The following NUDT16 variants were observed in gnomAD, a reference collection of about 807,000 sequenced individuals.
The protein encoded by NUDT16 is U8 snoRNA-decapping enzyme.
A neutral mutation model predicts 11.7 loss-of-function variants in NUDT16; 12 were observed. That is an observed-to-expected ratio of 1.03 (90% CI 0.66 to 1.67). The LOEUF is 1.67. Among genes scored for constraint, NUDT16 ranks in the 40% most tolerant of loss-of-function variants. The probability of loss-of-function intolerance (pLI) is 0.00; values close to 1 mark genes in which losing one functional copy is unlikely to be tolerated. For synonymous variants in NUDT16, 129 were observed against 122.6 expected (o/e 1.05, Z -0.35); for missense variants, 303 against 268.9 (o/e 1.13, Z -0.89).
At chr3:131,382,010 G>A (rs763858616) in intron 1 of NUDT16, 36 bp from the exon 2 acceptor site, 1 of 1,581,964 alleles carries the variant, frequency 6.3e-7, no homozygotes, top group Admixed American at 1.8e-5. Flanking sequence ...TCTCCTCTGG[G>A]GCGCCCCTGC....
upstream of NUDT16, chr3:131,381,711 C>A: frequency 7.3e-7 from 1 of 1,377,370 alleles, no homozygotes; most frequent in Non-Finnish European, 9.8e-7. Context: ...AGGGATTGGG[C>A]CTTGCAGCAC....
rs1361109814 is a variant in NUDT16, at chr3:131,388,308, G to A, written c.*4967G>A. 1 of 152,192 alleles carries A rather than the reference G, an allele frequency of 6.6e-6. No individual in the cohort carries two copies. Among genetic ancestry groups the A allele is most frequent in the Non-Finnish European group, 1.5e-5 (1 of 68,028 alleles). 9.4% of individuals were successfully genotyped at this position (152,192 alleles called of 1,614,324 possible). On this transcript the variant is annotated 3_prime_UTR_variant, in exon 3 of 3. Coordinates refer to ENST00000521288, the MANE Select transcript of NUDT16 (RefSeq NM_152395.3). ...GAATCCAGAGTCTTGTTAAGTGATA[G>A]AAGGAAAATACTAACAGAACACATG...
chr3:131,382,013 G>A, intron 1 of NUDT16, 33 bp from the exon 2 acceptor site: 1 of 1,577,436 alleles, frequency 6.3e-7, no homozygotes, highest in Non-Finnish European at 8.6e-7. Context: ...CCTCTGGGGC[G>A]CCCCTGCCAA....
Position 131,382,318 on chromosome 3 carries a change from G to A in NUDT16, c.408+3G>A, listed in dbSNP as rs1425692953. 1 of 1,612,870 alleles carries A rather than the reference G, an allele frequency of 6.2e-7. No individual in the cohort carries two copies. The highest frequency in any genetic ancestry group is 1.7e-5 in the Admixed American group (1 of 60,034). On this transcript the variant is annotated splice_donor_region_variant and intron_variant, in intron 2 of 2. Transcript: ENST00000521288. Reference sequence around the variant, plus strand: ...GCGCCAAGGACCACGGGCTGGAGGTGGGACCAGCCTGGGACTCTGTCCCTT... The same window carrying A: ...GCGCCAAGGACCACGGGCTGGAGGTAGGACCAGCCTGGGACTCTGTCCCTT...
At position 131,382,154 on chromosome 3, in the gene NUDT16, G is replaced by A. The variant is rs1230878972; in HGVS notation, c.247G>A (p.Glu83Lys). 5.0e-6 allele frequency: 8 copies of A among 1,611,676 alleles called. No individual in the cohort carries two copies. In the South Asian group the frequency reaches 8.8e-5, roughly 18 times the overall value. Residue 83 changes from glutamate to lysine, a missense_variant, in exon 2 of 3, where the codon GAA becomes AAA. Coordinates refer to ENST00000521288, the MANE Select transcript of NUDT16 (RefSeq NM_152395.3). ...CCGCGAGCTGCGCGAGGAGCTGGGC[G>A]AAGCGGCTGCCGCTTTCCGCGTGGA... ...LNRELREELG[E>K]AAAAFRVERT...
chr3:131,386,642 A>G lies in NUDT16; in HGVS notation c.*3301A>G, dbSNP rs1029802315. ...AGGTGAGTGGCCCAGCCGCCTCTCCACAAACACGTGTTTCTGCCTTTCTCA... is the reference window on the plus strand; with the variant it reads ...AGGTGAGTGGCCCAGCCGCCTCTCCGCAAACACGTGTTTCTGCCTTTCTCA... On this transcript the variant is annotated 3_prime_UTR_variant, in exon 3 of 3. Transcript: ENST00000521288. The G allele has an allele frequency of 1.3e-5, 2 of 152,298 alleles. No homozygotes were observed. The highest frequency in any genetic ancestry group is 4.8e-5 in the African/African-American group (2 of 41,472). The allele number at this position is 152,298 out of a possible 1,614,324, so 9.4% of individuals were successfully genotyped here.
chr3:131,382,120 C>T lies in NUDT16; in HGVS notation c.213C>T (p.Asp71=), dbSNP rs778082671. Reference sequence around the variant, plus strand: ...ACACGCAGGACAGAAGCCTAGAGGACGGGCTGAACCGCGAGCTGCGCGAGG... The same window carrying T: ...ACACGCAGGACAGAAGCCTAGAGGATGGGCTGAACCGCGAGCTGCGCGAGG... ...FVDTQDRSLE[D]GLNRELREEL... Residue 71 remains aspartate, a synonymous_variant, in exon 2 of 3, where the codon GAC becomes GAT. Coordinates refer to ENST00000521288, the MANE Select transcript of NUDT16 (RefSeq NM_152395.3). The T allele has an allele frequency of 1.2e-6, 2 of 1,609,782 alleles. No homozygotes were observed. The highest frequency in any genetic ancestry group is 1.1e-5 in the South Asian group (1 of 90,730).
Position 131,382,262 on chromosome 3 carries a change from G to A in NUDT16, c.355G>A (p.Glu119Lys). ...CTATGCCAAGCGTCTGACGCTCGAGGAGCTGTTGGCTGTGGAGGCCGGCGC... is the reference window on the plus strand; with the variant it reads ...CTATGCCAAGCGTCTGACGCTCGAGAAGCTGTTGGCTGTGGAGGCCGGCGC... ...HFYAKRLTLEELLAVEAGATR... is the reference protein window; with the variant it reads ...HFYAKRLTLEKLLAVEAGATR... Residue 119 changes from glutamate (E) to lysine (K), a missense_variant, in exon 2 of 3, where the codon GAG (glutamate) becomes AAG (lysine). Physicochemically the swap from Glu to Lys is moderately conservative, Grantham distance 56. Coordinates refer to ENST00000521288, the MANE Select transcript of NUDT16 (RefSeq NM_152395.3). The A allele has an allele frequency of 1.9e-6, 3 of 1,612,596 alleles. No homozygotes were observed. The highest frequency in any genetic ancestry group is 1.1e-5 in the South Asian group (1 of 91,036).
intron 2 of NUDT16, chr3:131,382,808 G>T (rs1283940447): frequency 4.2e-6 from 4 of 956,114 alleles, no homozygotes; most frequent in Non-Finnish European, 5.8e-6. Flanking sequence ...GGGGCGGGGG[G>T]AGAGGAAACC....
intron 1 of NUDT16, 28 bp from the exon 2 acceptor site, chr3:131,382,018 T>A: frequency 1.9e-6 from 3 of 1,578,038 alleles, no homozygotes; most frequent in Non-Finnish European, 2.6e-6. Context: ...GGGGCGCCCC[T>A]GCCAATCCCC....
In NUDT16 at chr3:131,381,824, T is replaced by A. The variant is rs767811533; in HGVS notation, c.20T>A (p.Leu7Gln). The change falls in exon 1 of 3, where the codon CTG becomes CAG. Residue 7 changes from leucine to glutamine, a missense_variant. Physicochemically the swap from Leu to Gln is moderately radical, Grantham distance 113. Transcript: ENST00000521288. ...CCGGCCATGGCCGGAGCCCGCAGGCTGGAGCTAGGCGAGGCCCTGGCGCTG... is the reference window on the plus strand; with the variant it reads ...CCGGCCATGGCCGGAGCCCGCAGGCAGGAGCTAGGCGAGGCCCTGGCGCTG... MAGARR[L>Q]ELGEALALGS... is the part of the protein sequence containing the mutation. 2 of 1,575,344 alleles carry A rather than the reference T, an allele frequency of 1.3e-6. No homozygotes were observed. The highest frequency in any genetic ancestry group is 1.7e-6 in the Non-Finnish European group (2 of 1,167,342).
Position 131,386,018 on chromosome 3 carries a change from GTC to G in NUDT16, c.*2682_*2683del, listed in dbSNP as rs1452306497. 2.0e-5 allele frequency: 3 copies of G among 152,334 alleles called. No homozygotes were observed. In the South Asian group the frequency reaches 6.2e-4, roughly 32 times the overall value. The allele number at this position is 152,334 out of a possible 1,614,324, so 9.4% of individuals were successfully genotyped here. A position where few individuals can be genotyped will look rare whatever the true frequency, so the allele number is the denominator to read the frequency against. Reference sequence around the variant, plus strand: ...CTCTGCTTGAGTATCCCACTGATCAGTCTCTCAGTGCCTGCCTACTGGGCAGC... The same window carrying G: ...CTCTGCTTGAGTATCCCACTGATCAGTCTCAGTGCCTGCCTACTGGGCAGC... On this transcript the variant is annotated 3_prime_UTR_variant, in exon 3 of 3. Coordinates refer to ENST00000521288, the MANE Select transcript of NUDT16 (RefSeq NM_152395.3).
chr3:131,383,547 G>C lies in NUDT16; in HGVS notation c.*206G>C. On this transcript the variant is annotated 3_prime_UTR_variant, in exon 3 of 3. Transcript: ENST00000521288. The surrounding 1 kb of genome is among the most constrained non-coding windows in gnomAD (Gnocchi z 4.4). ...GGCAAAAAGTCACAGCTTATCCCAG[G>C]CACCCTGGCAGGTTCTCAGAGCCTG... 8.2e-7 allele frequency: 1 copy of C among 1,219,130 alleles called. No individual in the cohort carries two copies. The highest frequency in any genetic ancestry group is 1.1e-6 in the Non-Finnish European group (1 of 892,600). 75.5% of individuals were successfully genotyped at this position (1,219,130 alleles called of 1,614,324 possible). A position where few individuals can be genotyped will look rare whatever the true frequency, so the allele number is the denominator to read the frequency against.
rs760307039 is a variant in NUDT16, at chr3:131,382,107, G to C, written c.200G>C (p.Arg67Thr). 1.2e-6 allele frequency: 2 copies of C among 1,605,562 alleles called. No homozygotes were observed. The highest frequency in any genetic ancestry group is 4.5e-5 in the East Asian group (2 of 44,746). Residue 67 changes from arginine to threonine, a missense_variant, in exon 2 of 3, where the codon AGA becomes ACA. Arg to Thr is a moderately conservative substitution (Grantham distance 71, BLOSUM62 -1). Coordinates refer to ENST00000521288, the MANE Select transcript of NUDT16 (RefSeq NM_152395.3). ...GGCGGATTCGTGGACACGCAGGACA[G>C]AAGCCTAGAGGACGGGCTGAACCGC... ...FPGGFVDTQD[R>T]SLEDGLNREL...
chr3:131,381,957 C>T lies in NUDT16; in HGVS notation c.138+15C>T. ...ACGCCATACTGGTGAGAAGGGGGCG[C>T]GCCCGGCCACTTTCTGCCTGAGCCC... On this transcript the variant is annotated intron_variant, in intron 1 of 2. Transcript: ENST00000521288. The T allele has an allele frequency of 1.2e-6, 2 of 1,605,044 alleles. No homozygotes were observed. The highest frequency in any genetic ancestry group is 8.5e-7 in the Non-Finnish European group (1 of 1,174,614).
Position 131,385,872 on chromosome 3 carries a change from A to G in NUDT16, c.*2531A>G, listed in dbSNP as rs142020487. 1 of 152,390 alleles carries G rather than the reference A, an allele frequency of 6.6e-6. No individual in the cohort carries two copies. Among genetic ancestry groups the G allele is most frequent in the African/African-American group, 2.4e-5 (1 of 41,550 alleles). 9.4% of individuals were successfully genotyped at this position (152,390 alleles called of 1,614,324 possible). On this transcript the variant is annotated 3_prime_UTR_variant, in exon 3 of 3. Coordinates refer to ENST00000521288, the MANE Select transcript of NUDT16 (RefSeq NM_152395.3). ...CCCTGACGCCTGGGAGATCAGAGCC[A>G]CTGACCCTTTATGGCACTGCTAACA...
chr3:131,382,240 T>G lies in NUDT16; in HGVS notation c.333T>G (p.Tyr111Ter). ...GSGPRVVAHF[Y>*]AKRLTLEELL... ...GGCCACGCGTTGTGGCCCACTTCTA[T>G]GCCAAGCGTCTGACGCTCGAGGAGC... is the stretch of plus-strand genomic sequence containing the variant. Residue 111 changes from tyrosine (Y) to a stop codon, truncating the protein, a stop_gained, in exon 2 of 3, where the codon TAT becomes TAG. Transcript: ENST00000521288. LOFTEE classifies it high-confidence loss of function. 1.2e-6 allele frequency: 2 copies of G among 1,611,780 alleles called. No homozygotes were observed. Among genetic ancestry groups the G allele is most frequent in the South Asian group, 1.1e-5 (1 of 90,962 alleles).
chr3:131,381,984 G>T, intron 1 of NUDT16, 42 bp downstream of exon 1: 1 of 1,595,690 alleles, frequency 6.3e-7, no homozygotes, highest in Non-Finnish European at 8.6e-7. Context: ...CCTGAGCCCC[G>T]CACCCTCTCT....
chr3:131,383,415 A>G lies in NUDT16; in HGVS notation c.*74A>G, dbSNP rs770159990. 3 of 1,587,606 alleles carry G rather than the reference A, an allele frequency of 1.9e-6. No homozygotes were observed. Among genetic ancestry groups the G allele is most frequent in the South Asian group, 1.1e-5 (1 of 88,838 alleles). On this transcript the variant is annotated 3_prime_UTR_variant, in exon 3 of 3. Transcript: ENST00000521288. The surrounding 1 kb of genome is among the most constrained non-coding windows in gnomAD (Gnocchi z 4.4). ...TAGGGAGGGAGGGAAGGACGTGGGAATGTTTTCTTATTGGATCTGAGAGAT... is the reference window on the plus strand; with the variant it reads ...TAGGGAGGGAGGGAAGGACGTGGGAGTGTTTTCTTATTGGATCTGAGAGAT...
Sources: allele counts gnomAD v4.1 joint callset, GRCh38; gene constraint gnomAD v4.1.1; non-coding constraint Gnocchi (gnomAD v3.1); transcripts MANE v1.5; gene names NCBI Gene and HGNC (gene_info 2026-07-23, HGNC 2026-07-21).